Variants in DPYD observed in about 807,000 individuals in gnomAD.
The protein encoded by DPYD is dihydropyrimidine dehydrogenase [NADP(+)].
A neutral mutation model predicts 116.2 loss-of-function variants in DPYD; 109 were observed. The ratio of observed to expected loss-of-function variants is 0.94; its 90% confidence interval spans 0.80 to 1.10. The LOEUF (loss-of-function observed/expected upper bound fraction) is 1.10, where lower values mean the gene tolerates loss of function less well. Among genes scored for constraint, DPYD ranks in the 50% least tolerant of loss-of-function variants. The pLI is 0.00. For synonymous variants in DPYD, 440 were observed against 432.0 expected (o/e 1.02, Z -0.23); for missense variants, 1,302 against 1,254.5 (o/e 1.04, Z -0.57).
At chr1:97,500,026 T>C (rs560764964) in intron 13 of DPYD, among the ~76,000 whole-genome samples, 1 of 152,100 alleles carries the variant, frequency 6.6e-6, no homozygotes, top group East Asian at 1.9e-4. Flanking sequence ...ACCTATATTC[T>C]CCAATGGATT....
At chr1:97,460,951 C>A (rs1213730038) in intron 13 of DPYD, among the ~76,000 whole-genome samples, 1 of 151,418 alleles carries the variant, frequency 6.6e-6, no homozygotes, top group Non-Finnish European at 1.5e-5. Context: ...GCAGGAGAAT[C>A]ACTTGAACCC....
chr1:97,917,197 A>G (rs1674260265), intron 1 of DPYD, among the ~76,000 whole-genome samples: 1 of 152,228 alleles, frequency 6.6e-6, no homozygotes, highest in African/African-American at 2.4e-5. Flanking sequence ...ACTGATGCTT[A>G]CACATTCAGT....
chr1:97,719,827 T>C (rs1662820466), intron 5 of DPYD: 1 of 984,676 alleles, frequency 1.0e-6, no homozygotes. Context: ...CAAACTATAA[T>C]TGGAATGAAA....
chr1:97,266,807 G>T (rs117775465), intron 18 of DPYD, among the ~76,000 whole-genome samples: 2 of 152,100 alleles, frequency 1.3e-5, no homozygotes, highest in East Asian at 3.9e-4. Flanking sequence ...GTGATAATTT[G>T]CTCAGAATGA....
chr1:97,700,241 A>C, intron 5 of DPYD: 1 of 455,952 alleles, frequency 2.2e-6, no homozygotes, highest in South Asian at 1.5e-5. Flanking sequence ...CAGAAAAGAG[A>C]TGTTGGCAGT....
At chr1:97,711,920 C>T (rs986578136) in intron 5 of DPYD, among the ~76,000 whole-genome samples, 7 of 151,890 alleles carry the variant, frequency 4.6e-5, no homozygotes, top group African/African-American at 1.7e-4. Flanking sequence ...TTTCTTTCCA[C>T]ATTTGTTTCC....
At chr1:97,513,982 T>C (rs1337325344) in intron 13 of DPYD, among the ~76,000 whole-genome samples, 2 of 151,870 alleles carry the variant, frequency 1.3e-5, no homozygotes, top group Admixed American at 1.3e-4. Flanking sequence ...ATGTTTAAAA[T>C]AGTCTGCACA....
chr1:97,364,120 T>C (rs1570598517), intron 16 of DPYD, among the ~76,000 whole-genome samples: 1 of 152,148 alleles, frequency 6.6e-6, no homozygotes. Context: ...ATTTCTTCCA[T>C]GTTACCCAAA....
chr1:97,252,000 A>G (rs553916207), intron 18 of DPYD, among the ~76,000 whole-genome samples: 1 of 151,808 alleles, frequency 6.6e-6, no homozygotes, highest in South Asian at 2.1e-4. Context: ...GTATATCTTT[A>G]CCTCTCCAAA....
intron 8 of DPYD, among the ~76,000 whole-genome samples, chr1:97,636,396 A>G (rs1320069101): frequency 6.6e-6 from 1 of 152,048 alleles, no homozygotes; most frequent in Non-Finnish European, 1.5e-5. Flanking sequence ...TCTGAGTCCT[A>G]CCGCTTACAG....
intron 1 of DPYD, among the ~76,000 whole-genome samples, chr1:97,891,235 G>A (rs1055904150): frequency 6.6e-6 from 1 of 151,878 alleles, no homozygotes; most frequent in Non-Finnish European, 1.5e-5. Context: ...CCAAAGGCAC[G>A]TTCCAACAGG....
chr1:97,114,100 A>T (rs1428291897), intron 20 of DPYD, among the ~76,000 whole-genome samples: 1 of 152,082 alleles, frequency 6.6e-6, no homozygotes, highest in Non-Finnish European at 1.5e-5. Context: ...GGATTATAAA[A>T]CTTCAAAATT....
At chr1:97,364,218 G>T (rs1670907655) in intron 16 of DPYD, among the ~76,000 whole-genome samples, 1 of 152,088 alleles carries the variant, frequency 6.6e-6, no homozygotes, top group Non-Finnish European at 1.5e-5. Context: ...TGTTGGCAAA[G>T]GAAAATTGCA....
intron 8 of DPYD, among the ~76,000 whole-genome samples, chr1:97,637,348 C>T (rs375549996): frequency 3.9e-5 from 6 of 152,224 alleles, no homozygotes; most frequent in African/African-American, 1.4e-4. Context: ...GTATATTAGG[C>T]TTTAACTTTA....
chr1:97,751,355 T>C (rs1281560394), intron 3 of DPYD, among the ~76,000 whole-genome samples: 1 of 145,714 alleles, frequency 6.9e-6, no homozygotes, highest in East Asian at 2.0e-4. Flanking sequence ...CATATATACA[T>C]ATATATAAAC....
At chr1:97,160,695 A>G (rs1317983455) in intron 20 of DPYD, among the ~76,000 whole-genome samples, 4 of 152,162 alleles carry the variant, frequency 2.6e-5, no homozygotes, top group African/African-American at 7.2e-5. Context: ...CCTTACACAT[A>G]GAACTAGTCA....
At chr1:97,598,439 C>T (rs1438680265) in intron 8 of DPYD, among the ~76,000 whole-genome samples, 1 of 152,132 alleles carries the variant, frequency 6.6e-6, no homozygotes, top group Non-Finnish European at 1.5e-5. Flanking sequence ...CAAAACAGTT[C>T]AGCGTAGTAG....
intron 20 of DPYD, among the ~76,000 whole-genome samples, chr1:97,103,949 C>T (rs1245885664): frequency 6.6e-6 from 1 of 152,050 alleles, no homozygotes; most frequent in Admixed American, 6.6e-5. Context: ...GCCAGAATAC[C>T]CCATCTTGTC....
At chr1:97,209,011 T>C (rs993448880) in intron 19 of DPYD, among the ~76,000 whole-genome samples, 3 of 152,092 alleles carry the variant, frequency 2.0e-5, no homozygotes, top group Admixed American at 1.3e-4. Flanking sequence ...AGTTGCTCCA[T>C]TGAGCTCCAG....
Sources: gnomAD v4.1 joint callset for allele counts (sites outside exome capture counted in the v4.1 genomes callset) on GRCh38, gnomAD v4.1.1 for gene constraint, MANE v1.5 for transcripts, NCBI Gene and HGNC (gene_info 2026-07-23, HGNC 2026-07-21) for gene names.